The following SLCO3A1 variants were observed in gnomAD, a reference collection of about 807,000 sequenced individuals.
SLCO3A1 encodes the protein PGE1 transporter.
A neutral mutation model predicts 63.1 loss-of-function variants in SLCO3A1; 27 were observed. The observed-to-expected ratio is 0.43, with a 90% confidence interval of 0.32 to 0.59. SLCO3A1 has a LOEUF of 0.59. Ranked by LOEUF, SLCO3A1 falls within the 20% of genes least tolerant of loss-of-function variation. The pLI is 0.09. For synonymous variants in SLCO3A1, 473 were observed against 409.9 expected, an observed-to-expected ratio of 1.15 and a Z score of -1.86; for missense variants, 773 against 945.8, an observed-to-expected ratio of 0.82 and a Z score of 2.40.
At chr15:92,067,514 C>A (rs759441903) in intron 2 of SLCO3A1, among the ~76,000 whole-genome samples, 2 of 152,236 alleles carry the variant, frequency 1.3e-5, no homozygotes, top group Non-Finnish European at 2.9e-5. Context: ...CACAAATGCA[C>A]TAGACTTCTT....
At chr15:91,917,924 T>C (rs1898716347) in intron 2 of SLCO3A1, among the ~76,000 whole-genome samples, 1 of 152,116 alleles carries the variant, frequency 6.6e-6, no homozygotes, top group East Asian at 1.9e-4. Flanking sequence ...TAACAGGAAG[T>C]AGATCAATCA....
intron 4 of SLCO3A1, among the ~76,000 whole-genome samples, chr15:92,112,113 G>A (rs1310196175): frequency 6.6e-6 from 1 of 152,186 alleles, no homozygotes. Context: ...AAAGATTGTA[G>A]CATTTCACCC....
intron 2 of SLCO3A1, among the ~76,000 whole-genome samples, chr15:92,024,985 C>T (rs1404213514): frequency 2.0e-5 from 3 of 151,752 alleles, no homozygotes. Context: ...ATCCAGCCAA[C>T]CAGCCAGCCA....
intron 4 of SLCO3A1, among the ~76,000 whole-genome samples, chr15:92,106,587 C>G (rs1369420932): frequency 6.6e-6 from 1 of 152,186 alleles, no homozygotes; most frequent in Non-Finnish European, 1.5e-5. Context: ...GATGATGACC[C>G]TGTTTCCCTA....
At chr15:92,016,599 T>C (rs1424688274) in intron 2 of SLCO3A1, among the ~76,000 whole-genome samples, 1 of 152,088 alleles carries the variant, frequency 6.6e-6, no homozygotes, top group Non-Finnish European at 1.5e-5. Context: ...GAGAGACTAG[T>C]GTGAAAGACT....
intron 2 of SLCO3A1, among the ~76,000 whole-genome samples, chr15:92,034,335 T>C (rs1474668968): frequency 7.0e-6 from 1 of 143,674 alleles, no homozygotes; most frequent in Non-Finnish European, 1.5e-5. Flanking sequence ...TGGGGATGGC[T>C]CAGAGAGAGC....
chr15:91,907,154 T>C (rs946319729), intron 1 of SLCO3A1, among the ~76,000 whole-genome samples: 3 of 152,092 alleles, frequency 2.0e-5, no homozygotes, highest in Non-Finnish European at 4.4e-5. Flanking sequence ...TAGAGAAAAA[T>C]GCAGGCGATG....
chr15:92,099,347 C>A (rs1364870023), intron 3 of SLCO3A1, among the ~76,000 whole-genome samples: 3 of 152,134 alleles, frequency 2.0e-5, no homozygotes, highest in Non-Finnish European at 4.4e-5. Flanking sequence ...CTTCCTGTCT[C>A]CAGTTTCTAA....
At chr15:91,926,451 G>A (rs1368848068) in intron 2 of SLCO3A1, among the ~76,000 whole-genome samples, 3 of 151,894 alleles carry the variant, frequency 2.0e-5, no homozygotes, top group Admixed American at 1.3e-4. Context: ...AATTGCCAAA[G>A]GTACCTTAAC....
At chr15:92,129,203 T>C (rs1410892460) in intron 7 of SLCO3A1, among the ~76,000 whole-genome samples, 5 of 152,212 alleles carry the variant, frequency 3.3e-5, no homozygotes, top group African/African-American at 7.2e-5. Flanking sequence ...CCTCCCAGGA[T>C]GGCCCCTTAT....
chr15:91,882,274 G>A lies in SLCO3A1; in HGVS notation c.180+28186G>A, dbSNP rs1333657429. Among the ~76,000 whole-genome samples the A allele has an allele frequency of 6.6e-6, 1 of 152,162 alleles. No homozygotes were observed. Among genetic ancestry groups the A allele is most frequent in the Non-Finnish European group, 1.5e-5 (1 of 68,026 alleles). ...GTCTCCCTTCTCAAGCACGCAGTCAGGATGTGCATTTGCTGAGTGGAATTG... is the reference window on the plus strand; with the variant it reads ...GTCTCCCTTCTCAAGCACGCAGTCAAGATGTGCATTTGCTGAGTGGAATTG... On this transcript the variant is annotated intron_variant, in intron 1 of 9. Transcript: ENST00000318445. The surrounding 1 kb of genome is among the most constrained non-coding windows in gnomAD (Gnocchi z 4.4).
At chr15:92,158,818 T>G (rs144719643) in intron 9 of SLCO3A1, among the ~76,000 whole-genome samples, 13 of 152,224 alleles carry the variant, frequency 8.5e-5, no homozygotes, top group Non-Finnish European at 1.5e-4. Flanking sequence ...TAGGGCCTGA[T>G]AGCTAGACCT....
rs533340194 is a variant in SLCO3A1, at chr15:92,163,552, A to T, written c.*417A>T. 37 of 910,770 alleles carry T rather than the reference A, an allele frequency of 4.1e-5. No individual in the cohort carries two copies. The South Asian group carries it at 1.8e-3, about 45-fold the overall frequency. The allele number at this position is 910,770 out of a possible 1,614,324, so 56.4% of individuals were successfully genotyped here. A position where few individuals can be genotyped will look rare whatever the true frequency, so the allele number is the denominator to read the frequency against. On this transcript the variant is annotated 3_prime_UTR_variant, in exon 10 of 10. Transcript: ENST00000318445. ...TAAAAGAAGTTTCCTAAAATAAAAA[A>T]AATTAAAAAAAAAAAACCCACAAGT... is the stretch of plus-strand genomic sequence containing the variant.
Position 91,854,219 on chromosome 15 carries a change from G to A in SLCO3A1, c.180+131G>A, listed in dbSNP as rs1449688952. On this transcript the variant is annotated intron_variant, in intron 1 of 9. Transcript: ENST00000318445. The surrounding 1 kb of genome is among the most constrained non-coding windows in gnomAD (Gnocchi z 6.4). Reference sequence around the variant, plus strand: ...TGACCTCGGCCCGGCGTGGAGGTTGGCGAGTGGTGCAGAGGCGGCCGCCGG... The same window carrying A: ...TGACCTCGGCCCGGCGTGGAGGTTGACGAGTGGTGCAGAGGCGGCCGCCGG... The A allele has an allele frequency of 4.4e-6, 5 of 1,136,998 alleles. No individual in the cohort carries two copies. Among genetic ancestry groups the A allele is most frequent in the East Asian group, 7.0e-5 (2 of 28,626 alleles). 70.4% of individuals were successfully genotyped at this position (1,136,998 alleles called of 1,614,324 possible).
rs1273575180 is a variant in SLCO3A1 at position 91,900,975 on chromosome 15, T to TA, written c.181-15018_181-15017insA. Among the ~76,000 whole-genome samples, 4 of 152,204 alleles carry TA rather than the reference T, an allele frequency of 2.6e-5. No individual in the cohort carries two copies. Among genetic ancestry groups the TA allele is most frequent in the African/African-American group, 9.6e-5 (4 of 41,456 alleles). On this transcript the variant is annotated intron_variant, in intron 1 of 9. Coordinates refer to ENST00000318445, the MANE Select transcript of SLCO3A1 (RefSeq NM_013272.4). This position sits in a 1 kb window ranked among gnomAD's most constrained non-coding sequence, Gnocchi z 4.3. ...TTATTTCGCCTTTCATTTTGTCGAT[T>TA]TTTACTTCATGTATTATGGGGCTCT... is the stretch of plus-strand genomic sequence containing the variant.
intron 2 of SLCO3A1, among the ~76,000 whole-genome samples, chr15:91,986,060 TGAG>T (rs1349528263): frequency 6.6e-6 from 1 of 152,136 alleles, no homozygotes; most frequent in African/African-American, 2.4e-5. Context: ...TACATTCCCT[TGAG>T]GAGCGTGACA....
chr15:92,144,606 C>A (rs939576003), intron 7 of SLCO3A1, among the ~76,000 whole-genome samples: 2 of 152,176 alleles, frequency 1.3e-5, no homozygotes, highest in African/African-American at 2.4e-5. Flanking sequence ...TCAAAATAAT[C>A]AGCTCAAAAT....
chr15:91,908,718 A>C (rs115408336), intron 1 of SLCO3A1: 9 of 151,880 alleles, frequency 5.9e-5, no homozygotes, highest in Admixed American at 2.0e-4. Context: ...CACATCAGAC[A>C]GAACACTGAA....
chr15:91,868,208 C>T (rs964402948), intron 1 of SLCO3A1, among the ~76,000 whole-genome samples: 2 of 151,900 alleles, frequency 1.3e-5, no homozygotes, highest in Admixed American at 6.6e-5. Flanking sequence ...TGCACTACCA[C>T]GCCCAGCAGA....
Sources: gnomAD v4.1 joint callset for allele counts (sites outside exome capture counted in the v4.1 genomes callset) on GRCh38, gnomAD v4.1.1 for gene constraint, Gnocchi (gnomAD v3.1) non-coding constraint, MANE v1.5 for transcripts, NCBI Gene and HGNC (gene_info 2026-07-23, HGNC 2026-07-21) for gene names.